PRKCZ: variants seen among roughly 807,000 people sequenced by gnomAD.
PRKCZ encodes the protein protein kinase C zeta.
In PRKCZ, 33 loss-of-function variants were observed where a neutral mutation model predicts 79.5. The ratio of observed to expected loss-of-function variants is 0.41; its 90% CI spans 0.31 to 0.55. The LOEUF is 0.55. PRKCZ is among the 20% of genes least tolerant of loss of function. The pLI is 0.19. For synonymous variants in PRKCZ, 342 were observed against 320.9 expected, an observed-to-expected ratio of 1.07 and a Z score of -0.70; for missense variants, 578 against 813.5, an observed-to-expected ratio of 0.71 and a Z score of 3.52.
chr1:2,151,571 T>C (rs1174020290), intron 9 of PRKCZ, among the ~76,000 whole-genome samples: 1 of 152,224 alleles, frequency 6.6e-6, no homozygotes, highest in Non-Finnish European at 1.5e-5. Context: ...TTGCAGTACA[T>C]GCTGAGCTGC....
rs1557531750 is a variant in PRKCZ, at chr1:2,089,314, T to A, written c.334+29723T>A. Among the ~76,000 whole-genome samples the A allele has an allele frequency of 2.0e-5, 3 of 152,118 alleles. No individual in the cohort carries two copies. The South Asian group carries it at 6.2e-4, about 31-fold the overall frequency. ...GGTGACGGTGTGAGCATGAGGATAC[T>A]CAGAGCTGGGAAGACTTGAGGGTCG... On this transcript the variant is annotated intron_variant, in intron 4 of 17. Transcript: ENST00000378567.
rs559031481 is a variant in PRKCZ, at chr1:2,168,534, G to A, written c.975-984G>A. ...TTTGTTTCCAATCAGAAACTTCACA[G>A]ATGATTTGCAGCCAGTTCACCTGCC... On this transcript the variant is annotated intron_variant, in intron 10 of 17. Coordinates refer to ENST00000378567, the MANE Select transcript of PRKCZ (RefSeq NM_002744.6). This position sits in a 1 kb window ranked among gnomAD's most constrained non-coding sequence, Gnocchi z 4.7. Among the ~76,000 whole-genome samples the A allele has an allele frequency of 1.3e-5, 2 of 152,334 alleles. No homozygotes were observed. Among genetic ancestry groups the A allele is most frequent in the South Asian group, 4.1e-4 (2 of 4,826 alleles).
chr1:2,131,974 A>G (rs562083039), intron 4 of PRKCZ, among the ~76,000 whole-genome samples: 24 of 152,048 alleles, frequency 1.6e-4, no homozygotes, highest in South Asian at 8.3e-4. Flanking sequence ...ACCACACCCG[A>G]CTAATTTTTT....
rs529404253 is a variant in PRKCZ, at chr1:2,181,336, T to C, written c.1576-3247T>C. Among the ~76,000 whole-genome samples the C allele has an allele frequency of 1.3e-3, 192 of 152,168 alleles. 3 individuals are homozygous for C. Among genetic ancestry groups the C allele is most frequent in the Admixed American group, 9.6e-3 (147 of 15,298 alleles). On this transcript the variant is annotated intron_variant, in intron 16 of 17. Transcript: ENST00000378567. Reference sequence around the variant, plus strand: ...AGATGTCCCTTCAGAACTAGAGCCCTTGGGCCCCCAGCCCCATTGACACGG... The same window carrying C: ...AGATGTCCCTTCAGAACTAGAGCCCCTGGGCCCCCAGCCCCATTGACACGG...
chr1:2,081,139 C>T (rs997984286), intron 4 of PRKCZ, among the ~76,000 whole-genome samples: 4 of 152,230 alleles, frequency 2.6e-5, no homozygotes, highest in Admixed American at 1.3e-4. Flanking sequence ...GAGCTACATA[C>T]GTGATGTCAA....
intron 4 of PRKCZ, among the ~76,000 whole-genome samples, chr1:2,073,169 G>A (rs34031871): frequency 6.6e-6 from 1 of 152,080 alleles, no homozygotes; most frequent in Non-Finnish European, 1.5e-5. Context: ...TCCTGCCTTA[G>A]GCTGAGGGTG....
intron 4 of PRKCZ, among the ~76,000 whole-genome samples, chr1:2,120,774 A>T (rs187263755): frequency 3.8e-4 from 57 of 150,852 alleles, no homozygotes; most frequent in Non-Finnish European, 7.5e-4. Flanking sequence ...TCTACTCTTA[A>T]ATCTACCCTT....
intron 4 of PRKCZ, chr1:2,073,522 C>G (rs983657069): frequency 6.3e-5 from 44 of 698,374 alleles, no homozygotes; most frequent in Non-Finnish European, 7.2e-5. Flanking sequence ...GTCGCATTTT[C>G]AAGGTCCGCT....
chr1:2,136,208 C>T (rs1009787403), intron 5 of PRKCZ, among the ~76,000 whole-genome samples: 2 of 152,198 alleles, frequency 1.3e-5, no homozygotes, highest in Non-Finnish European at 2.9e-5. Context: ...CATGGTCTGC[C>T]CTCTAGACCA....
intron 4 of PRKCZ, among the ~76,000 whole-genome samples, chr1:2,118,364 G>C (rs1342856324): frequency 7.1e-6 from 1 of 141,000 alleles, no homozygotes; most frequent in Admixed American, 7.3e-5. Context: ...TTGAGACAGA[G>C]TGTCGCTCTG....
Position 2,177,844 on chromosome 1 carries a change from C to T in PRKCZ, c.1575+2531C>T, listed in dbSNP as rs912753387. On this transcript the variant is annotated intron_variant, in intron 16 of 17. Transcript: ENST00000378567. This position sits in a 1 kb window ranked among gnomAD's most constrained non-coding sequence, Gnocchi z 6.4. ...CTGCGGGCTGTGTTGTGACTTCCAT[C>T]CCAGCCTGAGAGGCCTGCGAAGGGC... Among the ~76,000 whole-genome samples, 94 of 152,182 alleles carry T rather than the reference C, an allele frequency of 6.2e-4. No individual in the cohort carries two copies. The highest frequency in any genetic ancestry group is 2.2e-3 in the African/African-American group (92 of 41,446).
chr1:2,073,812 G>C, intron 4 of PRKCZ: 1 of 1,035,516 alleles, frequency 9.7e-7, no homozygotes, highest in South Asian at 3.6e-5. Flanking sequence ...CTATTGTCGG[G>C]GCCGGAGGCG....
Position 2,168,262 on chromosome 1 carries a change from G to A in PRKCZ, c.975-1256G>A, listed in dbSNP as rs75749854. ...TAGATGCACCAGTGAGCATAGCCTC[G>A]TTCCAATAAAACTTTATTTACAAAA... On this transcript the variant is annotated intron_variant, in intron 10 of 17. Transcript: ENST00000378567. The surrounding 1 kb of genome is among the most constrained non-coding windows in gnomAD (Gnocchi z 4.7). 3.3e-3 allele frequency among the ~76,000 whole-genome samples: 505 copies of A among 152,250 alleles called. 22 individuals carry two copies. The East Asian group carries it at 0.091, about 27-fold the overall frequency.
At chr1:2,181,286 C>G (rs1032007973) in intron 16 of PRKCZ, among the ~76,000 whole-genome samples, 5 of 152,148 alleles carry the variant, frequency 3.3e-5, no homozygotes, top group Non-Finnish European at 7.4e-5. Context: ...AGGCTCCAGC[C>G]CTCACCTCCC....
chr1:2,094,720 G>A lies in PRKCZ; in HGVS notation c.334+35129G>A, dbSNP rs896265096. Among the ~76,000 whole-genome samples, 5 of 148,418 alleles carry A rather than the reference G, an allele frequency of 3.4e-5. No homozygotes were observed. The highest frequency in any genetic ancestry group is 2.2e-4 in the South Asian group (1 of 4,638). ...GTGCCCGGCTCGTTGAACCTTGGGC[G>A]CTGCCCGTTCTGAGGCGCCCGCTGT... is the stretch of plus-strand genomic sequence containing the variant. On this transcript the variant is annotated intron_variant, in intron 4 of 17. Transcript: ENST00000378567. The surrounding 1 kb of genome is among the most constrained non-coding windows in gnomAD (Gnocchi z 7.3).
intron 4 of PRKCZ, among the ~76,000 whole-genome samples, chr1:2,131,509 G>T (rs1055093706): frequency 2.2e-4 from 33 of 152,210 alleles, no homozygotes; most frequent in African/African-American, 7.7e-4. Flanking sequence ...AAGGAGGCAG[G>T]TCTGAGGGAA....
rs12755035 is a variant in PRKCZ, at chr1:2,094,922, G to A, written c.334+35331G>A. Among the ~76,000 whole-genome samples the A allele has an allele frequency of 0.13, 19,492 of 152,130 alleles. 1,337 individuals are homozygous for A. Among genetic ancestry groups the A allele is most frequent in the Middle Eastern group, 0.16 (48 of 292 alleles). ...CTGCCTATAAAAAGCCCTGCCCTGG[G>A]TTCCCTGCTCCATGCCAGTTCTCTC... On this transcript the variant is annotated intron_variant, in intron 4 of 17. Transcript: ENST00000378567. This position sits in a 1 kb window ranked among gnomAD's most constrained non-coding sequence, Gnocchi z 7.3.
chr1:2,158,086 C>T (rs577647110), intron 10 of PRKCZ, among the ~76,000 whole-genome samples: 2 of 152,264 alleles, frequency 1.3e-5, no homozygotes, highest in South Asian at 2.1e-4. Context: ...CTCTGTCTGT[C>T]GGAAGAGCCG....
chr1:2,135,377 A>C, intron 5 of PRKCZ, 30 bp downstream of exon 5: 1 of 1,555,744 alleles, frequency 6.4e-7, no homozygotes, highest in Non-Finnish European at 8.8e-7. Context: ...CTAGTCCCTC[A>C]AGGGGCCTTT....
Sources: allele counts gnomAD v4.1 joint callset (sites outside exome capture counted in the v4.1 genomes callset), GRCh38; gene constraint gnomAD v4.1.1; non-coding constraint Gnocchi (gnomAD v3.1); transcripts MANE v1.5; gene names NCBI Gene and HGNC (gene_info 2026-07-23, HGNC 2026-07-21).